Variants in PEAK1 observed in about 807,000 individuals in gnomAD.
PEAK1 encodes inactive tyrosine-protein kinase PEAK1.
PEAK1 carries 54 observed loss-of-function variants against 124.7 expected under a neutral mutation model. The observed-to-expected ratio is 0.43, with a 90% CI of 0.35 to 0.54. The LOEUF (loss-of-function observed/expected upper bound fraction) is 0.54. PEAK1 is among the 20% of genes least tolerant of loss of function. The pLI, the probability that PEAK1 is intolerant of heterozygous loss-of-function variation, is 0.01. For missense variants in PEAK1, 2,046 were observed against 2,134.5 expected (o/e 0.96, Z 0.82); for synonymous variants, 719 against 760.0 (o/e 0.95, Z 0.89).
intron 2 of PEAK1, among the ~76,000 whole-genome samples, chr15:77,341,870 G>A (rs2141339818): frequency 6.6e-6 from 1 of 152,286 alleles, no homozygotes; most frequent in African/African-American, 2.4e-5. Flanking sequence ...GGGAAACTGT[G>A]TATGGGGATG....
At chr15:77,412,857 A>T (rs1332914847) in intron 1 of PEAK1, among the ~76,000 whole-genome samples, 1 of 152,188 alleles carries the variant, frequency 6.6e-6, no homozygotes, top group South Asian at 2.1e-4. Flanking sequence ...ACATACGCAT[A>T]AAAAAAGGAT....
intron 1 of PEAK1, chr15:77,418,392 C>T (rs1391588431): frequency 2.0e-5 from 20 of 985,016 alleles, no homozygotes; most frequent in Non-Finnish European, 2.4e-5. Flanking sequence ...AAAATAAAGA[C>T]ATGATAAAAT....
chr15:77,369,220 G>T (rs1028528693), intron 1 of PEAK1, among the ~76,000 whole-genome samples: 1 of 152,186 alleles, frequency 6.6e-6, no homozygotes, highest in Non-Finnish European at 1.5e-5. Context: ...GGTACAGATA[G>T]TAAAGATGGA....
At position 77,394,945 on chromosome 15, in the gene PEAK1, T is replaced by A. The variant is rs183183260; in HGVS notation, c.-666+25061A>T. On this transcript the variant is annotated intron_variant, in intron 1 of 9. Transcript: ENST00000682557. Reference sequence around the variant, plus strand: ...GACTATTACTCATTCTATGCCTGTATCAAAACATTTACTGTACCCCATTAA... The same window carrying A: ...GACTATTACTCATTCTATGCCTGTAACAAAACATTTACTGTACCCCATTAA... Among the ~76,000 whole-genome samples the A allele has an allele frequency of 1.2e-3, 190 of 152,318 alleles. 1 individual carries two copies. Among genetic ancestry groups the A allele is most frequent in the African/African-American group, 4.5e-3 (185 of 41,570 alleles).
At position 77,115,132 on chromosome 15, in the gene PEAK1, TCA is replaced by T; in HGVS notation, c.4263_4264del (p.Glu1422ArgfsTer17). On this transcript the variant is annotated frameshift_variant, in exon 10 of 10. Coordinates refer to ENST00000682557, the MANE Select transcript of PEAK1 (RefSeq NM_001385026.1). LOFTEE classifies it high-confidence loss of function. ...ATCCGTTTCTCCTTTGGCGTCTTCT[TCA>T]GTCTCTTCCATGTCATCCTCATCCT... is the stretch of plus-strand genomic sequence containing the variant. 6.2e-7 allele frequency: 1 copy of T among 1,614,124 alleles called. No homozygotes were observed. The highest frequency in any genetic ancestry group is 8.5e-7 in the Non-Finnish European group (1 of 1,180,012).
At chr15:77,106,070 T>G (rs1270086186), downstream of PEAK1, 5 of 152,008 alleles carry the variant, frequency 3.3e-5, no homozygotes, top group African/African-American at 1.2e-4. Flanking sequence ...TCACCTGGAG[T>G]CTGGCTTGGG....
At chr15:77,396,818 G>C (rs2070926086) in intron 1 of PEAK1, among the ~76,000 whole-genome samples, 1 of 152,156 alleles carries the variant, frequency 6.6e-6, no homozygotes. Flanking sequence ...AAGCAAGAGA[G>C]AGAGAGAAAA....
chr15:77,145,168 G>T (rs1431440074), intron 8 of PEAK1, among the ~76,000 whole-genome samples: 1 of 152,148 alleles, frequency 6.6e-6, no homozygotes, highest in Non-Finnish European at 1.5e-5. Context: ...ATGTCTTCAG[G>T]CCAGGTGCGG....
At chr15:77,196,159 G>C (rs924113795) in intron 6 of PEAK1, among the ~76,000 whole-genome samples, 4 of 152,202 alleles carry the variant, frequency 2.6e-5, no homozygotes, top group African/African-American at 9.7e-5. Flanking sequence ...TGAGGCTCTT[G>C]ATCCAACTCC....
chr15:77,271,060 C>T (rs1164211415), intron 5 of PEAK1, among the ~76,000 whole-genome samples: 1 of 151,996 alleles, frequency 6.6e-6, no homozygotes, highest in Non-Finnish European at 1.5e-5. Context: ...CCAGAATCTA[C>T]AATGAACTCA....
intron 8 of PEAK1, among the ~76,000 whole-genome samples, chr15:77,141,464 T>C (rs1307450744): frequency 6.6e-6 from 1 of 152,192 alleles, no homozygotes; most frequent in Non-Finnish European, 1.5e-5. Context: ...ATTCCCAAAA[T>C]TGATCTACAG....
At chr15:77,380,004 A>AT (rs1350262820) in intron 1 of PEAK1, among the ~76,000 whole-genome samples, 2 of 152,172 alleles carry the variant, frequency 1.3e-5, no homozygotes, top group African/African-American at 4.8e-5. Flanking sequence ...TTTCTTTACT[A>AT]TATTTCTTTA....
At chr15:77,278,727 A>G (rs1214156476) in intron 5 of PEAK1, 6 of 499,482 alleles carry the variant, frequency 1.2e-5, no homozygotes, top group South Asian at 5.9e-5. Context: ...GGTGCTGGAG[A>G]TGCCAAGTGA....
intron 2 of PEAK1, among the ~76,000 whole-genome samples, chr15:77,319,539 T>C (rs2065070265): frequency 6.6e-6 from 1 of 152,136 alleles, no homozygotes; most frequent in Non-Finnish European, 1.5e-5. Flanking sequence ...AGGAGTAGCT[T>C]GTGATGATAA....
intron 6 of PEAK1, among the ~76,000 whole-genome samples, chr15:77,188,983 C>CT (rs961614829): frequency 3.3e-5 from 5 of 152,024 alleles, no homozygotes; most frequent in Non-Finnish European, 1.5e-5. Flanking sequence ...GGCAGATCAC[C>CT]TGAAGTCAGG....
Position 77,346,966 on chromosome 15 carries a change from A to C in PEAK1, c.-603+18197T>G, listed in dbSNP as rs187468642. ...CATGTAATAAAGTGAGTTGAGAAGC[A>C]CCAATTTACAGTGAGTTGTCAAGGA... is the stretch of plus-strand genomic sequence containing the variant. On this transcript the variant is annotated intron_variant, in intron 2 of 9. Transcript: ENST00000682557. 5.3e-5 allele frequency among the ~76,000 whole-genome samples: 8 copies of C among 152,342 alleles called. No homozygotes were observed. The East Asian group carries it at 1.5e-3, about 29-fold the overall frequency.
chr15:77,410,079 T>TC (rs906496366), intron 1 of PEAK1, among the ~76,000 whole-genome samples: 1 of 151,284 alleles, frequency 6.6e-6, no homozygotes, highest in African/African-American at 2.4e-5. Flanking sequence ...GTGTGTGTTT[T>TC]TTTTTTTTTT....
At chr15:77,404,458 C>T (rs2071635159) in intron 1 of PEAK1, 1 of 551,702 alleles carries the variant, frequency 1.8e-6, no homozygotes, top group African/African-American at 2.1e-5. Context: ...TAAAATATCT[C>T]AATAATTGAT....
intron 1 of PEAK1, among the ~76,000 whole-genome samples, chr15:77,415,596 G>T (rs1595890893): frequency 1.3e-5 from 2 of 152,216 alleles, no homozygotes; most frequent in Admixed American, 1.3e-4. Flanking sequence ...ATTCTACCAC[G>T]TTCCCTTCAC....
Sources: gnomAD v4.1 joint callset for allele counts (sites outside exome capture counted in the v4.1 genomes callset) on GRCh38, gnomAD v4.1.1 for gene constraint, MANE v1.5 for transcripts, NCBI Gene and HGNC (gene_info 2026-07-23, HGNC 2026-07-21) for gene names.